The following EMG1 variants were observed in gnomAD, a reference collection of about 807,000 sequenced individuals.
EMG1 encodes ribosomal RNA small subunit methyltransferase NEP1.
EMG1 carries 24 observed loss-of-function variants against 26.9 expected under a neutral mutation model. The ratio of observed to expected loss-of-function variants is 0.89; its 90% CI spans 0.65 to 1.26. The LOEUF (loss-of-function observed/expected upper bound fraction) is 1.26, where lower values mean the gene tolerates loss of function less well. Ranked by LOEUF, EMG1 falls within the 50% of genes most tolerant of loss-of-function variation. The pLI is 0.00. For missense variants in EMG1, 299 were observed against 307.6 expected (o/e 0.97, Z 0.21); for synonymous variants, 140 against 112.6 (o/e 1.24, Z -1.54).
In EMG1 at chr12:6,970,954, C is replaced by A. The variant is rs782479150; in HGVS notation, c.31C>A (p.Arg11Ser). 4 of 1,613,144 alleles carry A rather than the reference C, an allele frequency of 2.5e-6. No homozygotes were observed. In the South Asian group the frequency reaches 3.3e-5, roughly 13 times the overall value. The stretch of plus-strand genomic sequence containing the variant: ...CGCGCCCAGTGATGGATTCAAGCCT[C>A]GTGAACGAAGCGGTGGGGAGCAGGC... MAAPSDGFKPRERSGGEQAQD... is the reference protein window; with the variant it reads MAAPSDGFKPSERSGGEQAQD... Residue 11 changes from arginine to serine, a missense_variant, in exon 1 of 6, where the codon CGT becomes AGT. Arg to Ser is a moderately radical substitution (Grantham distance 110, BLOSUM62 -1). Transcript: ENST00000599672.
At chr12:6,974,894 A>G in intron 3 of EMG1, 196 bp from the exon 4 acceptor site, 1 of 801,214 alleles carries the variant, frequency 1.2e-6, no homozygotes, top group African/African-American at 1.7e-5. Flanking sequence ...TGGCTGAGTG[A>G]AAGAGGGAGT....
downstream of EMG1, among the ~76,000 whole-genome samples, chr12:6,993,168 G>A (rs1946604970): frequency 6.6e-6 from 1 of 152,056 alleles, no homozygotes; most frequent in Admixed American, 6.6e-5. Context: ...CGCCGGGCAT[G>A]GTGGCTTATG....
rs781816329 is a variant in EMG1, at chr12:6,977,514, G to A, written c.*1705G>A. 19 of 1,614,180 alleles carry A rather than the reference G, an allele frequency of 1.2e-5. No homozygotes were observed. In the East Asian group the frequency reaches 3.1e-4, roughly 27 times the overall value. On this transcript the variant is annotated 3_prime_UTR_variant, in exon 6 of 6. Transcript: ENST00000599672. The surrounding 1 kb of genome is among the most constrained non-coding windows in gnomAD (Gnocchi z 4.5). ...TGCTCAGGGTGGGGCTCTCTTGAAT[G>A]AGCCTGGCAGCCTGGGGAGGGAGGA...
At chr12:6,972,066 C>CTT (rs11292192) in intron 1 of EMG1, among the ~76,000 whole-genome samples, 106 of 124,676 alleles carry the variant, frequency 8.5e-4, no homozygotes, top group Admixed American at 1.6e-3. Flanking sequence ...TCTAAATACA[C>CTT]TTTTTTTTTT....
downstream of EMG1, among the ~76,000 whole-genome samples, chr12:6,990,740 T>C (rs1346195440): frequency 6.6e-6 from 1 of 150,516 alleles, no homozygotes; most frequent in African/African-American, 2.4e-5. Flanking sequence ...CTGGCCAACA[T>C]GGTGAAACCC....
In EMG1 at chr12:6,979,370, T is replaced by C. The variant is rs1383409373; in HGVS notation, c.*3561T>C. On this transcript the variant is annotated 3_prime_UTR_variant, in exon 6 of 6. Transcript: ENST00000599672. ...CTAGAGCAAAACCAACATGCACTTG[T>C]AGATGATATTTCCTACTTCTCTGCT... 2 of 846,476 alleles carry C rather than the reference T, an allele frequency of 2.4e-6. No individual in the cohort carries two copies. The highest frequency in any genetic ancestry group is 1.9e-6 in the Non-Finnish European group (1 of 518,048). 52.4% of individuals were successfully genotyped at this position (846,476 alleles called of 1,614,324 possible).
At position 6,978,147 on chromosome 12, in the gene EMG1, CT is replaced by C. The variant is rs1565596487; in HGVS notation, c.*2345del. The stretch of plus-strand genomic sequence containing the variant: ...GTCTTAACGCACTTTTATATCTTGC[CT>C]TTTTTTCAAATATGACAGTAATGGT... On this transcript the variant is annotated 3_prime_UTR_variant, in exon 6 of 6. Transcript: ENST00000599672. 23 of 662,132 alleles carry C rather than the reference CT, an allele frequency of 3.5e-5. No homozygotes were observed. The South Asian group carries it at 4.2e-4, about 12-fold the overall frequency. The allele number at this position is 662,132 out of a possible 1,614,324, so 41.0% of individuals were successfully genotyped here. A position where few individuals can be genotyped will look rare whatever the true frequency, so the allele number is the denominator to read the frequency against.
intron 1 of EMG1, among the ~76,000 whole-genome samples, chr12:6,972,432 ATC>A (rs1480705688): frequency 3.3e-5 from 5 of 152,228 alleles, no homozygotes; most frequent in African/African-American, 1.2e-4. Context: ...GGAGCCATAT[ATC>A]TCAAGAATGT....
rs1176871432 is a variant in EMG1 at position 6,979,673 on chromosome 12, T to C, written c.*3864T>C. ...AGTTATGGAGAGGAGTGTTTAGGGGTGTGGTTGTCTACCTGGAATGGGATG... is the reference window on the plus strand; with the variant it reads ...AGTTATGGAGAGGAGTGTTTAGGGGCGTGGTTGTCTACCTGGAATGGGATG... On this transcript the variant is annotated 3_prime_UTR_variant, in exon 6 of 6. Transcript: ENST00000599672. 2 of 827,350 alleles carry C rather than the reference T, an allele frequency of 2.4e-6. No individual in the cohort carries two copies. Among genetic ancestry groups the C allele is most frequent in the Admixed American group, 2.1e-5 (1 of 47,488 alleles). 51.3% of individuals were successfully genotyped at this position (827,350 alleles called of 1,614,324 possible). A position where few individuals can be genotyped will look rare whatever the true frequency, so the allele number is the denominator to read the frequency against.
At position 6,978,148 on chromosome 12, in the gene EMG1, T is replaced by C; in HGVS notation, c.*2339T>C. 1 of 685,330 alleles carries C rather than the reference T, an allele frequency of 1.5e-6. No individual in the cohort carries two copies. The highest frequency in any genetic ancestry group is 2.4e-6 in the Non-Finnish European group (1 of 410,430). The allele number at this position is 685,330 out of a possible 1,614,324, so 42.5% of individuals were successfully genotyped here. ...TCTTAACGCACTTTTATATCTTGCC[T>C]TTTTTTCAAATATGACAGTAATGGT... is the stretch of plus-strand genomic sequence containing the variant. On this transcript the variant is annotated 3_prime_UTR_variant, in exon 6 of 6. Coordinates refer to ENST00000599672, the MANE Select transcript of EMG1 (RefSeq NM_006331.8).
chr12:6,974,898 A>AG lies in EMG1; in HGVS notation c.413-189dup, dbSNP rs2138321936. On this transcript the variant is annotated intron_variant, in intron 3 of 5. Coordinates refer to ENST00000599672, the MANE Select transcript of EMG1 (RefSeq NM_006331.8). ...CAGTAGCTTCCTGGCTGAGTGAAAG[A>AG]GGGAGTCTGAACCCATCACTGTACA... The AG allele has an allele frequency of 3.8e-6, 3 of 796,150 alleles. No individual in the cohort carries two copies. In the South Asian group the frequency reaches 5.0e-5, roughly 13 times the overall value. The allele number at this position is 796,150 out of a possible 1,614,324, so 49.3% of individuals were successfully genotyped here. A position where few individuals can be genotyped will look rare whatever the true frequency, so the allele number is the denominator to read the frequency against.
At position 6,978,959 on chromosome 12, in the gene EMG1, GTTTGGAATGAGCA is replaced by G. The variant is rs1447370040; in HGVS notation, c.*3160_*3172del. ...TACTGTTTGCCTTCGTTGGCAAAGT[GTTTGGAATGAGCA>G]TTTGGAATGTTAAGTACAGAGGGGC... is the stretch of plus-strand genomic sequence containing the variant. On this transcript the variant is annotated 3_prime_UTR_variant, in exon 6 of 6. Coordinates refer to ENST00000599672, the MANE Select transcript of EMG1 (RefSeq NM_006331.8). 6 of 441,494 alleles carry G rather than the reference GTTTGGAATGAGCA, an allele frequency of 1.4e-5. No individual in the cohort carries two copies. The highest frequency in any genetic ancestry group is 2.4e-5 in the Non-Finnish European group (6 of 247,274). 27.3% of individuals were successfully genotyped at this position (441,494 alleles called of 1,614,324 possible).
At chr12:6,974,233 TTCCAGGTGCAGC>T (rs1946365679) in intron 1 of EMG1, 94 bp from the exon 2 acceptor site, 2 of 809,836 alleles carry the variant, frequency 2.5e-6, no homozygotes, top group African/African-American at 3.4e-5. Flanking sequence ...CCTAACAAGT[TTCCAGGTGCAGC>T]TGCTGCTGGT....
At chr12:6,974,272 T>C (rs1946366054) in intron 1 of EMG1, 67 bp from the exon 2 acceptor site, 3 of 1,229,808 alleles carry the variant, frequency 2.4e-6, no homozygotes, top group Non-Finnish European at 3.5e-6. Context: ...GGGACCACAC[T>C]TGAAGAACCA....
chr12:6,971,057 TG>T lies in EMG1; in HGVS notation c.136del (p.Val46CysfsTer12). 1 of 1,611,414 alleles carries T rather than the reference TG, an allele frequency of 6.2e-7. No homozygotes were observed. The highest frequency in any genetic ancestry group is 8.5e-7 in the Non-Finnish European group (1 of 1,178,836). ...GNKIGGRRLI[V>X]VLEGASLETV... ...AAGATCGGAGGCCGTAGGCTTATTG[TG>T]GTGCTGGAAGGGGCCAGTCTGGAGA... On this transcript the variant is annotated frameshift_variant, in exon 1 of 6. Coordinates refer to ENST00000599672, the MANE Select transcript of EMG1 (RefSeq NM_006331.8). LOFTEE classifies it high-confidence loss of function.
At chr12:6,981,145 C>T (rs782324010), downstream of EMG1, 14 of 1,613,064 alleles carry the variant, frequency 8.7e-6, no homozygotes, top group South Asian at 3.3e-5. Flanking sequence ...AGGAACACCA[C>T]GTATGGCATA....
downstream of EMG1, chr12:6,981,728 C>CGGGGGGGGG: frequency 5.6e-6 from 1 of 177,408 alleles, no homozygotes; most frequent in Non-Finnish European, 1.1e-5. Flanking sequence ...TGGCGGGGGG[C>CGGGGGGGGG]GGAGGGGGGG....
At chr12:6,980,500 T>C (rs919312666), downstream of EMG1, among the ~76,000 whole-genome samples, 5 of 152,016 alleles carry the variant, frequency 3.3e-5, no homozygotes, top group African/African-American at 1.2e-4. Context: ...GGACTACAGA[T>C]GCATGCCACT....
chr12:6,984,907 A>G (rs1193321493), downstream of EMG1, among the ~76,000 whole-genome samples: 6 of 152,128 alleles, frequency 3.9e-5, no homozygotes, highest in Non-Finnish European at 8.8e-5. Context: ...TCTTGCTTTT[A>G]AATTATGTAA....
Sources: gnomAD v4.1 joint callset for allele counts (sites outside exome capture counted in the v4.1 genomes callset) on GRCh38, gnomAD v4.1.1 for gene constraint, Gnocchi (gnomAD v3.1) non-coding constraint, MANE v1.5 for transcripts, NCBI Gene and HGNC (gene_info 2026-07-23, HGNC 2026-07-21) for gene names.